The following LSR variants were observed in gnomAD, a reference collection of about 807,000 sequenced individuals.
LSR encodes the protein lipolysis-stimulated lipoprotein receptor.
LSR carries 44 observed loss-of-function variants against 61.8 expected under a neutral mutation model. The observed-to-expected ratio is 0.71, with a 90% CI of 0.56 to 0.91. LSR has a LOEUF of 0.91. Ranked by LOEUF, LSR falls within the 40% of genes least tolerant of loss-of-function variation. The pLI, the probability that LSR is intolerant of heterozygous loss-of-function variation, is 0.00. For missense variants in LSR, 911 were observed against 830.5 expected, an observed-to-expected ratio of 1.10 and a Z score of -1.19; for synonymous variants, 397 against 350.6, an observed-to-expected ratio of 1.13 and a Z score of -1.48.
At chr19:35,249,675 A>G (rs983119874) in intron 1 of LSR, among the ~76,000 whole-genome samples, 1 of 152,088 alleles carries the variant, frequency 6.6e-6, no homozygotes, top group Admixed American at 6.5e-5. Context: ...GGATTTACGG[A>G]CTTGAAACCG....
chr19:35,255,971 G>A (rs2065851497), intron 2 of LSR, among the ~76,000 whole-genome samples: 2 of 152,172 alleles, frequency 1.3e-5, no homozygotes, highest in Admixed American at 6.5e-5. Flanking sequence ...GGTGGCTCAT[G>A]CCTGGAATCC....
At chr19:35,260,361 G>A (rs1050435293) in intron 3 of LSR, among the ~76,000 whole-genome samples, 2 of 137,538 alleles carry the variant, frequency 1.5e-5, no homozygotes, top group African/African-American at 5.4e-5. Flanking sequence ...GCTCGATCTC[G>A]GCTCACTGCA....
At chr19:35,256,097 G>GT (rs1231039638) in intron 2 of LSR, among the ~76,000 whole-genome samples, 3 of 152,138 alleles carry the variant, frequency 2.0e-5, no homozygotes, top group African/African-American at 7.2e-5. Flanking sequence ...AGCCAGTTAT[G>GT]TTGGCAGGCG....
rs780220705 is a variant in LSR, at chr19:35,267,634, G to T, written c.1670G>T (p.Arg557Ile). ...VRKKGSEERR[R>I]PHKEEEEEAY... ...AAGAAGGGGTCGGAGGAGAGGAGGA[G>T]ACCCCACAAGGAGGAGGAGGAAGAG... The change falls in exon 9 of 10, where the codon AGA (arginine) becomes ATA (isoleucine). Residue 557 changes from arginine (R) to isoleucine (I), a missense_variant. By Grantham distance (97) the Arg-to-Ile change is moderately conservative. Transcript: ENST00000605618. The T allele has an allele frequency of 6.2e-7, 1 of 1,612,244 alleles. No individual in the cohort carries two copies. Among genetic ancestry groups the T allele is most frequent in the Non-Finnish European group, 8.5e-7 (1 of 1,179,530 alleles).
At chr19:35,262,085 T>C in intron 4 of LSR, 104 bp downstream of exon 4, 1 of 1,088,100 alleles carries the variant, frequency 9.2e-7, no homozygotes. Flanking sequence ...CCCTGCTCAC[T>C]GTGGACCCCT....
At chr19:35,267,063 G>T (rs752794157) in intron 8 of LSR, 46 bp from the exon 9 acceptor site, 1 of 1,533,038 alleles carries the variant, frequency 6.5e-7, no homozygotes, top group Admixed American at 2.1e-5. Flanking sequence ...GCAAACCCTG[G>T]ACCCCGGGCT....
chr19:35,263,529 G>C (rs1025237282), intron 5 of LSR, among the ~76,000 whole-genome samples: 30 of 151,958 alleles, frequency 2.0e-4, no homozygotes, highest in African/African-American at 7.0e-4. Flanking sequence ...CTAATTTTTT[G>C]ATTTTTGTTT....
chr19:35,267,370 G>A lies in LSR; in HGVS notation c.1406G>A (p.Gly469Asp), dbSNP rs765639185. ...GGGAGCAGGTCTCCCACGAGTAATG[G>A]TGGGAGAAGCCGGGCCTACATGCCC... is the stretch of plus-strand genomic sequence containing the variant. ...ESGSRSPTSNGGRSRAYMPPR... is the reference protein window; with the variant it reads ...ESGSRSPTSNDGRSRAYMPPR... Residue 469 changes from glycine to aspartate, a missense_variant, in exon 9 of 10, where the codon GGT becomes GAT. By Grantham distance (94) the Gly-to-Asp change is moderately conservative (BLOSUM62 -1). Coordinates refer to ENST00000605618, the MANE Select transcript of LSR (RefSeq NM_205834.4). 1.1e-5 allele frequency: 17 copies of A among 1,523,332 alleles called. No individual in the cohort carries two copies. The highest frequency in any genetic ancestry group is 3.2e-5 in the African/African-American group (2 of 62,816). The allele number at this position is 1,523,332 out of a possible 1,614,324, so 94.4% of individuals were successfully genotyped here.
intron 2 of LSR, among the ~76,000 whole-genome samples, chr19:35,254,740 C>T (rs1038336362): frequency 2.0e-5 from 3 of 152,210 alleles, no homozygotes; most frequent in Admixed American, 6.5e-5. Context: ...ACAATGAAAG[C>T]AGTGCTCAGC....
At chr19:35,262,110 G>A (rs2145529543) in intron 4 of LSR, 129 bp downstream of exon 4, 1 of 884,334 alleles carries the variant, frequency 1.1e-6, no homozygotes, top group East Asian at 2.8e-5. Context: ...AACCTGGCCT[G>A]ACTGTGGCTC....
intron 4 of LSR, 93 bp from the exon 5 acceptor site, chr19:35,262,453 C>A: frequency 7.0e-7 from 1 of 1,434,506 alleles, no homozygotes; most frequent in Non-Finnish European, 9.7e-7. Context: ...CGTCCCCGAC[C>A]TCAGTGCTGG....
chr19:35,252,123 C>T (rs1423388301), intron 2 of LSR, among the ~76,000 whole-genome samples: 6 of 151,856 alleles, frequency 4.0e-5, no homozygotes, highest in Non-Finnish European at 5.9e-5. Flanking sequence ...CGTGAGCCAC[C>T]GCGCCCGGCC....
chr19:35,252,154 C>A (rs1183943658), intron 2 of LSR, among the ~76,000 whole-genome samples: 1 of 152,082 alleles, frequency 6.6e-6, no homozygotes, highest in South Asian at 2.1e-4. Context: ...AACTGTAATG[C>A]TGCCTCCTGA....
At chr19:35,254,662 G>T (rs1368668284) in intron 2 of LSR, among the ~76,000 whole-genome samples, 1 of 152,176 alleles carries the variant, frequency 6.6e-6, no homozygotes, top group Non-Finnish European at 1.5e-5. Context: ...GGAACCAGAG[G>T]TTGGAGATGT....
chr19:35,257,307 G>A lies in LSR; in HGVS notation c.455-1638G>A, dbSNP rs116476278. Among the ~76,000 whole-genome samples the A allele has an allele frequency of 6.2e-3, 939 of 152,254 alleles. 13 individuals are homozygous for A. Among genetic ancestry groups the A allele is most frequent in the African/African-American group, 0.021 (867 of 41,548 alleles). On this transcript the variant is annotated intron_variant, in intron 2 of 9. Coordinates refer to ENST00000605618, the MANE Select transcript of LSR (RefSeq NM_205834.4). ...ACTTCAGCAGTTGGGTGGGGGAGCC[G>A]TGGGAGAAGCCCAGCCCACAGGGGG...
intron 2 of LSR, among the ~76,000 whole-genome samples, chr19:35,254,220 A>G (rs1415731520): frequency 1.3e-5 from 2 of 151,992 alleles, no homozygotes; most frequent in East Asian, 3.9e-4. Flanking sequence ...CAGCCTCCTG[A>G]GTAGCTGGGA....
chr19:35,250,521 G>T lies in LSR; in HGVS notation c.316G>T (p.Ala106Ser), dbSNP rs139130775. Reference protein sequence around the residue: ...SVDNQLNAQLAAGNPGYNPYV... With the variant: ...SVDNQLNAQLSAGNPGYNPYV... ...CGACAACCAGCTCAATGCCCAGCTG[G>T]CAGCCGGGAACCCAGGCTACAACCC... is the stretch of plus-strand genomic sequence containing the variant. Residue 106 changes from alanine (A) to serine (S), a missense_variant, in exon 2 of 10, where the codon GCA becomes TCA. By Grantham distance (99) the Ala-to-Ser change is moderately conservative. Coordinates refer to ENST00000605618, the MANE Select transcript of LSR (RefSeq NM_205834.4). The T allele has an allele frequency of 1.2e-6, 2 of 1,614,026 alleles. No individual in the cohort carries two copies. Among genetic ancestry groups the T allele is most frequent in the African/African-American group, 2.7e-5 (2 of 74,924 alleles).
rs1428902065 is a variant in LSR, at chr19:35,262,705, C to T, written c.778+13C>T. 2 of 1,611,244 alleles carry T rather than the reference C, an allele frequency of 1.2e-6. No individual in the cohort carries two copies. Among genetic ancestry groups the T allele is most frequent in the African/African-American group, 1.3e-5 (1 of 74,916 alleles). The stretch of plus-strand genomic sequence containing the variant: ...TGCCCCGAGGCCCGTAAGTGTCCCG[C>T]TCATGGCCACCCTGGTTTGGGCAAC... On this transcript the variant is annotated intron_variant, in intron 5 of 9. Coordinates refer to ENST00000605618, the MANE Select transcript of LSR (RefSeq NM_205834.4).
chr19:35,261,286 G>T (rs1042800021), intron 3 of LSR, among the ~76,000 whole-genome samples: 4 of 152,088 alleles, frequency 2.6e-5, no homozygotes, highest in African/African-American at 9.7e-5. Flanking sequence ...TGCCTTCATG[G>T]GTCCCTTCCT....
Sources: gnomAD v4.1 joint callset for allele counts (sites outside exome capture counted in the v4.1 genomes callset) on GRCh38, gnomAD v4.1.1 for gene constraint, MANE v1.5 for transcripts, NCBI Gene and HGNC (gene_info 2026-07-23, HGNC 2026-07-21) for gene names.